MAGI2: variants seen among roughly 807,000 people sequenced by gnomAD.
MAGI2 encodes the protein membrane associated guanylate kinase, WW and PDZ domain containing 2.
In MAGI2, 35 loss-of-function variants were observed where a neutral mutation model predicts 133.3. The ratio of observed to expected loss-of-function variants is 0.26; its 90% CI spans 0.20 to 0.35. The LOEUF (loss-of-function observed/expected upper bound fraction) is 0.35, where lower values mean the gene tolerates loss of function less well. Among genes scored for constraint, MAGI2 ranks in the 10% least tolerant of loss-of-function variants. The pLI, the probability that MAGI2 is intolerant of heterozygous loss-of-function variation, is 1.00. For synonymous variants in MAGI2, 729 were observed against 710.6 expected (o/e 1.03, Z -0.41); for missense variants, 1,636 against 1,863.4 (o/e 0.88, Z 2.25).
chr7:78,198,988 G>A (rs887181182), intron 11 of MAGI2, among the ~76,000 whole-genome samples: 1 of 152,208 alleles, frequency 6.6e-6, no homozygotes, highest in Non-Finnish European at 1.5e-5. Flanking sequence ...ACAGAAAAGA[G>A]TCAGGAGGTA....
At chr7:78,032,106 T>A (rs532861955) in intron 21 of MAGI2, among the ~76,000 whole-genome samples, 1 of 151,750 alleles carries the variant, frequency 6.6e-6, no homozygotes, top group Non-Finnish European at 1.5e-5. Flanking sequence ...CCAATTGTGT[T>A]ATTGTATTTC....
At chr7:79,359,544 T>G (rs1563150320) in intron 1 of MAGI2, among the ~76,000 whole-genome samples, 1 of 151,900 alleles carries the variant, frequency 6.6e-6, no homozygotes, top group Non-Finnish European at 1.5e-5. Flanking sequence ...AAGAAATCAT[T>G]GCTAAACATT....
intron 2 of MAGI2, among the ~76,000 whole-genome samples, chr7:78,905,423 A>G (rs970288095): frequency 1.3e-5 from 2 of 152,196 alleles, no homozygotes; most frequent in Admixed American, 6.5e-5. Flanking sequence ...ATGACCTTGG[A>G]TAGGGCACGT....
intron 21 of MAGI2, among the ~76,000 whole-genome samples, chr7:78,043,236 AT>A (rs1811041892): frequency 2.0e-5 from 3 of 152,262 alleles, no homozygotes; most frequent in African/African-American, 7.2e-5. Flanking sequence ...GGCTTAACTC[AT>A]AAAAATAGTG....
chr7:78,207,240 T>TA (rs397784303), intron 10 of MAGI2, among the ~76,000 whole-genome samples: 3 of 151,876 alleles, frequency 2.0e-5, no homozygotes, highest in African/African-American at 4.8e-5. Context: ...TATCCTTTTT[T>TA]ATGAAGGATT....
rs530929637 is a variant in MAGI2, at chr7:79,110,597, A to G, written c.302-103391T>C. Among the ~76,000 whole-genome samples, 3 of 152,264 alleles carry G rather than the reference A, an allele frequency of 2.0e-5. No homozygotes were observed. In the East Asian group the frequency reaches 5.8e-4, roughly 29 times the overall value. On this transcript the variant is annotated intron_variant, in intron 1 of 21. Coordinates refer to ENST00000354212, the MANE Select transcript of MAGI2 (RefSeq NM_012301.4). ...ATTTTACAGCTCATAGGTGAAAGGAACTCATTTCAGTTGAGATTTTGGAAT... is the reference window on the plus strand; with the variant it reads ...ATTTTACAGCTCATAGGTGAAAGGAGCTCATTTCAGTTGAGATTTTGGAAT...
intron 3 of MAGI2, 127 bp downstream of exon 3, chr7:78,626,992 TA>T: frequency 2.4e-6 from 2 of 829,214 alleles, no homozygotes; most frequent in Non-Finnish European, 3.4e-6. Flanking sequence ...GATACATTTC[TA>T]AACTCATCTT....
At chr7:78,619,902 CA>C (rs1378959183) in intron 3 of MAGI2, among the ~76,000 whole-genome samples, 3 of 151,896 alleles carry the variant, frequency 2.0e-5, no homozygotes, top group African/African-American at 7.2e-5. Context: ...AAAGTACACC[CA>C]AATGCATGGC....
chr7:78,077,723 A>ATTTTTTTTT (rs1300577440), intron 21 of MAGI2, among the ~76,000 whole-genome samples: 2 of 96,010 alleles, frequency 2.1e-5, no homozygotes, highest in Admixed American at 9.6e-5. Flanking sequence ...ACTCTTTAGA[A>ATTTTTTTTT]TGTTTTTTTT....
At chr7:78,948,034 G>T (rs112308079) in intron 2 of MAGI2, among the ~76,000 whole-genome samples, 3,632 of 152,096 alleles carry the variant, frequency 0.024, 63 homozygotes, top group Middle Eastern at 0.041. Flanking sequence ...AAAATGGGAC[G>T]TTGAAGATAG....
intron 6 of MAGI2, among the ~76,000 whole-genome samples, chr7:78,415,664 C>A (rs7802689): frequency 0.26 from 39,244 of 151,902 alleles, 5,099 homozygotes; most frequent in Non-Finnish European, 0.27. Context: ...CCACCAGGCA[C>A]CATTCAGAAG....
intron 1 of MAGI2, among the ~76,000 whole-genome samples, chr7:79,201,260 T>C (rs1026062118): frequency 8.5e-5 from 13 of 152,086 alleles, no homozygotes; most frequent in Admixed American, 5.9e-4. Context: ...AAATAGACTT[T>C]GCTTACTTCA....
intron 6 of MAGI2, among the ~76,000 whole-genome samples, chr7:78,388,294 A>G (rs200661144): frequency 2.7e-4 from 33 of 121,700 alleles, no homozygotes; most frequent in African/African-American, 9.3e-4. Context: ...CATCATCATC[A>G]TCGTCATCAT....
intron 6 of MAGI2, among the ~76,000 whole-genome samples, chr7:78,469,680 G>A (rs1790994488): frequency 1.3e-5 from 2 of 152,042 alleles, no homozygotes; most frequent in South Asian, 2.1e-4. Context: ...CAGGTCTGGA[G>A]CCTACTATTT....
At chr7:78,480,809 A>G (rs1317190579) in intron 6 of MAGI2, among the ~76,000 whole-genome samples, 2 of 151,944 alleles carry the variant, frequency 1.3e-5, no homozygotes, top group East Asian at 1.9e-4. Flanking sequence ...TAAAAACACA[A>G]TACCCATTTA....
rs182563071 is a variant in MAGI2 at position 79,244,770 on chromosome 7, G to A, written c.301+208250C>T. Among the ~76,000 whole-genome samples the A allele has an allele frequency of 2.0e-4, 30 of 152,294 alleles. No homozygotes were observed. The East Asian group carries it at 5.8e-3, about 29-fold the overall frequency. On this transcript the variant is annotated intron_variant, in intron 1 of 21. Transcript: ENST00000354212. ...GGACATGTGACCTAGGAAAACACCA[G>A]CTGGGGTGACCAAAAGGAGTGCTTG...
At chr7:78,463,808 G>A (rs1396328366) in intron 6 of MAGI2, among the ~76,000 whole-genome samples, 1 of 152,020 alleles carries the variant, frequency 6.6e-6, no homozygotes, top group Non-Finnish European at 1.5e-5. Context: ...AGTCAATGTT[G>A]GATTTGTTGC....
chr7:79,245,346 C>A (rs746905936), intron 1 of MAGI2, among the ~76,000 whole-genome samples: 3 of 152,180 alleles, frequency 2.0e-5, no homozygotes, highest in Non-Finnish European at 4.4e-5. Flanking sequence ...CAATTCCAGG[C>A]CTTGGCTCTT....
intron 2 of MAGI2, among the ~76,000 whole-genome samples, chr7:78,659,424 C>CAAAAAA (rs71085553): frequency 3.0e-4 from 7 of 23,668 alleles, no homozygotes; most frequent in Non-Finnish European, 4.9e-4. Context: ...GACTTCATCT[C>CAAAAAA]AAAAAAAAAA....
Sources: allele counts gnomAD v4.1 joint callset (sites outside exome capture counted in the v4.1 genomes callset), GRCh38; gene constraint gnomAD v4.1.1; transcripts MANE v1.5; gene names NCBI Gene and HGNC (gene_info 2026-07-23, HGNC 2026-07-21).